Variants in XIAP observed in about 807,000 individuals in gnomAD.
XIAP encodes E3 ubiquitin-protein ligase XIAP.
In XIAP, 3 loss-of-function variants were observed where a neutral mutation model predicts 33.1. The observed-to-expected ratio is 0.09, with a 90% CI of 0.04 to 0.23. The LOEUF is 0.23. Among genes scored for constraint, XIAP ranks in the 10% least tolerant of loss-of-function variants. The pLI, the probability that XIAP is intolerant of heterozygous loss-of-function variation, is 1.00. For synonymous variants in XIAP, 98 were observed against 121.3 expected, an observed-to-expected ratio of 0.81 and a Z score of 1.26; for missense variants, 264 against 363.0, an observed-to-expected ratio of 0.73 and a Z score of 2.22.
chrX:123,884,511 G>A (rs751953224), intron 1 of XIAP, among the ~76,000 whole-genome samples: 6 of 110,209 alleles, frequency 5.4e-5, no homozygotes, highest in Admixed American at 2.0e-4. Context: ...ATTAATGCAC[G>A]CATAATATAG....
rs771926492 is a variant in XIAP at position 123,912,170 on chromosome X, G to A, written c.*4989G>A. ...ATATAGCCAGCCCTTCATATCTGTG[G>A]GTTTTGCATCCATGGATTCAACCAA... On this transcript the variant is annotated 3_prime_UTR_variant, in exon 7 of 7. Transcript: ENST00000371199. 26 of 309,328 alleles carry A rather than the reference G, an allele frequency of 8.4e-5. No homozygotes were observed. Among genetic ancestry groups the A allele is most frequent in the Non-Finnish European group, 1.5e-4 (24 of 165,205 alleles). The allele number at this position is 309,328 out of a possible 1,213,427, so 25.5% of individuals were successfully genotyped here.
At chrX:123,870,205 G>C (rs1045733748) in intron 1 of XIAP, among the ~76,000 whole-genome samples, 1 of 112,648 alleles carries the variant, frequency 8.9e-6, no homozygotes, top group Non-Finnish European at 1.9e-5. Context: ...CAGGTGGTCT[G>C]CCCACCTCAA....
chrX:123,903,180 A>ATTTTTTTTTTTTTTTTTTTTTTTTT (rs56868819), intron 6 of XIAP, among the ~76,000 whole-genome samples: 1 of 65,292 alleles, frequency 1.5e-5, no homozygotes. Flanking sequence ...TTATTTTATA[A>ATTTTTTTTTTTTTTTTTTTTTTTTT]TTTTTTTTTT....
rs28745604 is a variant in XIAP, at chrX:123,900,913, C to G, written c.1300+220C>G. 9.8e-5 allele frequency among the ~76,000 whole-genome samples: 11 copies of G among 111,948 alleles called. No individual in the cohort carries two copies. In the East Asian group the frequency reaches 2.8e-3, roughly 29 times the overall value. ...CTGACAGTTTTGGAGGCTCCAAAAT[C>G]AAGGTGCTGGCTGATTTGGTTATTG... On this transcript the variant is annotated intron_variant, in intron 6 of 6. Transcript: ENST00000371199.
intron 1 of XIAP, among the ~76,000 whole-genome samples, chrX:123,866,003 C>T (rs926080773): frequency 1.0e-4 from 11 of 106,091 alleles, no homozygotes; most frequent in Non-Finnish European, 1.7e-4. Context: ...GCAATGGCTG[C>T]GATCTCTGTT....
chrX:123,905,744 A>T (rs1466211950), intron 6 of XIAP, among the ~76,000 whole-genome samples: 1 of 112,286 alleles, frequency 8.9e-6, no homozygotes, highest in Non-Finnish European at 1.9e-5. Flanking sequence ...GTTCAGCAGG[A>T]TGTTAAAAGG....
rs377706845 is a variant in XIAP, at chrX:123,887,455, T to A, written c.877+916T>A. On this transcript the variant is annotated intron_variant, in intron 2 of 6. Transcript: ENST00000371199. ...TATACCATTATATATTTGACCCATT[T>A]ATTTTAAGATTGAATAATGCCTATA... is the stretch of plus-strand genomic sequence containing the variant. Among the ~76,000 whole-genome samples the A allele has an allele frequency of 2.7e-4, 31 of 112,810 alleles. No individual in the cohort carries two copies. The East Asian group carries it at 3.0e-3, about 11-fold the overall frequency.
intron 3 of XIAP, among the ~76,000 whole-genome samples, chrX:123,890,170 CCA>C (rs2148094774): frequency 9.8e-6 from 1 of 101,661 alleles, no homozygotes; most frequent in African/African-American, 3.6e-5. Context: ...GCGCCCGCTA[CCA>C]CGCCCGGCTA....
chrX:123,891,167 A>G, intron 3 of XIAP, 71 bp from the exon 4 acceptor site: 1 of 522,255 alleles, frequency 1.9e-6, no homozygotes, highest in Non-Finnish European at 3.3e-6. Flanking sequence ...AATTAATATG[A>G]TGGAGATTAT....
intron 1 of XIAP, among the ~76,000 whole-genome samples, chrX:123,868,075 C>T (rs1393474750): frequency 1.8e-5 from 2 of 111,758 alleles, no homozygotes; most frequent in Non-Finnish European, 3.8e-5. Flanking sequence ...GTGACTCATA[C>T]CTGTAAGCCC....
At chrX:123,870,070 G>A (rs951812006) in intron 1 of XIAP, among the ~76,000 whole-genome samples, 1 of 112,228 alleles carries the variant, frequency 8.9e-6, no homozygotes, top group Non-Finnish European at 1.9e-5. Flanking sequence ...AGCGATTCTC[G>A]TGCCTCAGCC....
Position 123,892,131 on chromosome X carries a change from C to T in XIAP, c.1057-600C>T, listed in dbSNP as rs534278871. Among the ~76,000 whole-genome samples, 41 of 111,200 alleles carry T rather than the reference C, an allele frequency of 3.7e-4. No homozygotes were observed. The South Asian group carries it at 7.0e-3, about 19-fold the overall frequency. ...CTGTAATCCCAGCACTTTGGGAGGCCGAGGCAGATGGATCACCCAAGGTCA... is the reference window on the plus strand; with the variant it reads ...CTGTAATCCCAGCACTTTGGGAGGCTGAGGCAGATGGATCACCCAAGGTCA... On this transcript the variant is annotated intron_variant, in intron 4 of 6. Transcript: ENST00000371199.
At position 123,899,153 on chromosome X, in the gene XIAP, ATATATATATATATGATTT is replaced by A. The variant is rs1480258573; in HGVS notation, c.1100-1328_1100-1311del. 2.4e-3 allele frequency among the ~76,000 whole-genome samples: 70 copies of A among 29,320 alleles called. 6 individuals carry two copies. Among genetic ancestry groups the A allele is most frequent in the African/African-American group, 8.8e-3 (60 of 6,827 alleles). The allele number at this position is 29,320 out of a possible 115,157, so 25.5% of individuals were successfully genotyped here. ...AAAAAAAAAAAAAAAAAATATATATATATATATATATATGATTTTATATATATATGATTTTATATATAT... is the reference window on the plus strand; with the variant it reads ...AAAAAAAAAAAAAAAAAATATATATATATATATATATGATTTTATATATAT... On this transcript the variant is annotated intron_variant, in intron 5 of 6. Coordinates refer to ENST00000371199, the MANE Select transcript of XIAP (RefSeq NM_001167.4).
chrX:123,909,318 AC>A lies in XIAP; in HGVS notation c.*2139del, dbSNP rs1253948394. 3.0e-6 allele frequency: 1 copy of A among 329,577 alleles called. No individual in the cohort carries two copies. The highest frequency in any genetic ancestry group is 3.1e-5 in the Admixed American group (1 of 32,254). The allele number at this position is 329,577 out of a possible 1,213,427, so 27.2% of individuals were successfully genotyped here. ...AGTGCTGGGATTACAGGCTTGAGCC[AC>A]CACGCCCGGCTAAAACATTGCAAAT... is the stretch of plus-strand genomic sequence containing the variant. On this transcript the variant is annotated 3_prime_UTR_variant, in exon 7 of 7. Coordinates refer to ENST00000371199, the MANE Select transcript of XIAP (RefSeq NM_001167.4).
intron 1 of XIAP, among the ~76,000 whole-genome samples, chrX:123,878,017 T>G (rs193174578): frequency 9.1e-6 from 1 of 110,158 alleles, no homozygotes; most frequent in East Asian, 2.8e-4. Context: ...AAGGAAAAAT[T>G]CACTGGGCTC....
In XIAP at chrX:123,907,175, G is replaced by C; in HGVS notation, c.1488G>C (p.Met496Ile). ...TTACTTTCAAGCAAAAAATTTTTAT[G>C]TCTTAATCTAACTCTATAGTAGGCA... ...TVITFKQKIF[M>I]S Residue 496 changes from methionine to isoleucine, a missense_variant, in exon 7 of 7, where the codon ATG becomes ATC. Met to Ile is a conservative substitution (Grantham distance 10). Transcript: ENST00000371199. 8.3e-7 allele frequency: 1 copy of C among 1,203,686 alleles called. No individual in the cohort carries two copies. Among genetic ancestry groups the C allele is most frequent in the Non-Finnish European group, 1.1e-6 (1 of 888,581 alleles).
chrX:123,869,881 C>T (rs893196667), intron 1 of XIAP, among the ~76,000 whole-genome samples: 3 of 112,591 alleles, frequency 2.7e-5, no homozygotes, highest in East Asian at 2.8e-4. Context: ...AAGGTAACAT[C>T]GTGAAAGAAG....
At chrX:123,874,827 TG>T (rs1324867255) in intron 1 of XIAP, among the ~76,000 whole-genome samples, 1 of 104,502 alleles carries the variant, frequency 9.6e-6, no homozygotes, top group Non-Finnish European at 1.9e-5. Context: ...CCTGAGTAGC[TG>T]GGACTACAGG....
intron 1 of XIAP, among the ~76,000 whole-genome samples, chrX:123,877,624 T>A (rs746994176): frequency 8.9e-6 from 1 of 111,747 alleles, no homozygotes; most frequent in Non-Finnish European, 1.9e-5. Context: ...ACTGGGAACA[T>A]AAGAACTGAG....
Sources: gnomAD v4.1 joint callset for allele counts (sites outside exome capture counted in the v4.1 genomes callset) on GRCh38, gnomAD v4.1.1 for gene constraint, MANE v1.5 for transcripts, NCBI Gene and HGNC (gene_info 2026-07-23, HGNC 2026-07-21) for gene names.